TMEM196: variants seen among roughly 807,000 people sequenced by gnomAD.
TMEM196 encodes transmembrane protein 196.
In TMEM196, 17 loss-of-function variants were observed where a neutral mutation model predicts 20.0. The ratio of observed to expected loss-of-function variants is 0.85; its 90% confidence interval spans 0.58 to 1.27. TMEM196 has a LOEUF of 1.27. TMEM196 is among the 50% of genes most tolerant of loss of function. The pLI, the probability that TMEM196 is intolerant of heterozygous loss-of-function variation, is 0.00. For synonymous variants in TMEM196, 113 were observed against 88.9 expected (o/e 1.27, Z -1.52); for missense variants, 267 against 223.0 (o/e 1.20, Z -1.26).
intron 1 of TMEM196, among the ~76,000 whole-genome samples, chr7:19,730,704 G>C (rs1195056495): frequency 6.6e-6 from 1 of 152,156 alleles, no homozygotes; most frequent in Non-Finnish European, 1.5e-5. Flanking sequence ...GATTATCTGA[G>C]ATAATATGCA....
intron 1 of TMEM196, among the ~76,000 whole-genome samples, chr7:19,753,166 C>G (rs148940576): frequency 1.1e-4 from 16 of 152,294 alleles, no homozygotes; most frequent in African/African-American, 2.9e-4. Context: ...AAAATCCCAT[C>G]TTTTTCTCCT....
At chr7:19,752,218 C>A (rs1785015941) in intron 1 of TMEM196, among the ~76,000 whole-genome samples, 1 of 152,174 alleles carries the variant, frequency 6.6e-6, no homozygotes, top group South Asian at 2.1e-4. Flanking sequence ...AGATGCACAG[C>A]AGTTAATGAA....
intron 1 of TMEM196, among the ~76,000 whole-genome samples, chr7:19,763,323 T>G (rs1380329099): frequency 1.3e-5 from 2 of 152,190 alleles, no homozygotes; most frequent in African/African-American, 4.8e-5. Context: ...GATATTATTT[T>G]AATTCCTCAG....
intron 1 of TMEM196, among the ~76,000 whole-genome samples, chr7:19,738,931 A>G (rs1345355202): frequency 6.6e-6 from 1 of 152,148 alleles, no homozygotes; most frequent in Non-Finnish European, 1.5e-5. Flanking sequence ...AAAAAGTACC[A>G]TATGGGAAAG....
At chr7:19,754,765 C>A (rs1232966102) in intron 1 of TMEM196, among the ~76,000 whole-genome samples, 5 of 152,130 alleles carry the variant, frequency 3.3e-5, no homozygotes, top group African/African-American at 1.2e-4. Context: ...TCAATTAATT[C>A]TCTGGGCTTC....
rs1785942764 is a variant in TMEM196 at position 19,772,812 on chromosome 7, C to A, written c.-116G>T. On this transcript the variant is annotated 5_prime_UTR_variant, in exon 1 of 5. Transcript: ENST00000405844. ...CTACCAGATCCCAAAACTTTTCTTT[C>A]TTCAAGAGCGAGGCATTATCCACAA... is the stretch of plus-strand genomic sequence containing the variant. The A allele has an allele frequency of 9.4e-7, 1 of 1,064,876 alleles. No homozygotes were observed. Among genetic ancestry groups the A allele is most frequent in the Non-Finnish European group, 1.2e-6 (1 of 814,476 alleles). The allele number at this position is 1,064,876 out of a possible 1,614,324, so 66.0% of individuals were successfully genotyped here.
At chr7:19,728,801 A>G (rs1266020972) in intron 2 of TMEM196, among the ~76,000 whole-genome samples, 1 of 152,212 alleles carries the variant, frequency 6.6e-6, no homozygotes, top group East Asian at 1.9e-4. Flanking sequence ...TATCAGAGCT[A>G]ACTGGGAGTG....
At chr7:19,731,415 A>G (rs547621532) in intron 1 of TMEM196, among the ~76,000 whole-genome samples, 2 of 152,120 alleles carry the variant, frequency 1.3e-5, no homozygotes, top group Non-Finnish European at 2.9e-5. Flanking sequence ...TACTAATTTC[A>G]TCTCACATTT....
chr7:19,722,314 G>A (rs2128010775), intron 4 of TMEM196, among the ~76,000 whole-genome samples, 180 bp from the exon 5 acceptor site: 1 of 152,190 alleles, frequency 6.6e-6, no homozygotes, highest in Non-Finnish European at 1.5e-5. Flanking sequence ...TGGAGCACAT[G>A]CAAATGCCAA....
intron 1 of TMEM196, among the ~76,000 whole-genome samples, chr7:19,757,110 C>A (rs1785249124): frequency 6.6e-6 from 1 of 151,934 alleles, no homozygotes; most frequent in Non-Finnish European, 1.5e-5. Context: ...TTTTTACCTG[C>A]ATAAGTTTTC....
chr7:19,760,285 G>C (rs1785384173), intron 1 of TMEM196, among the ~76,000 whole-genome samples: 1 of 149,538 alleles, frequency 6.7e-6, no homozygotes, highest in Non-Finnish European at 1.5e-5. Flanking sequence ...CTTCCTCAGA[G>C]ATGCTTTCCT....
Position 19,722,104 on chromosome 7 carries a change from G to A in TMEM196, c.*24C>T. 1.2e-6 allele frequency: 2 copies of A among 1,609,922 alleles called. No homozygotes were observed. The highest frequency in any genetic ancestry group is 1.7e-5 in the Admixed American group (1 of 59,498). ...ACTCTTCCATTAAATATCAGCTGTG[G>A]TCCTCCATTGCTCATGTTGTCTGTT... is the stretch of plus-strand genomic sequence containing the variant. On this transcript the variant is annotated 3_prime_UTR_variant, in exon 5 of 5. Coordinates refer to ENST00000405844, the MANE Select transcript of TMEM196 (RefSeq NM_001363562.2).
chr7:19,729,504 G>A, intron 1 of TMEM196, 66 bp from the exon 2 acceptor site: 1 of 1,423,786 alleles, frequency 7.0e-7, no homozygotes, highest in Non-Finnish European at 9.6e-7. Context: ...ATTTTAGCTT[G>A]TAGTTCACTC....
At chr7:19,755,186 A>T (rs1241530036) in intron 1 of TMEM196, among the ~76,000 whole-genome samples, 2 of 152,246 alleles carry the variant, frequency 1.3e-5, no homozygotes, top group African/African-American at 4.8e-5. Flanking sequence ...CTACTTAGGC[A>T]AAATCTAACA....
chr7:19,742,740 T>C (rs1030326405), intron 1 of TMEM196, among the ~76,000 whole-genome samples: 2 of 152,140 alleles, frequency 1.3e-5, no homozygotes, highest in African/African-American at 4.8e-5. Flanking sequence ...CACAATAATT[T>C]TTCAAATAAT....
At position 19,720,278 on chromosome 7, in the gene TMEM196, C is replaced by T. The variant is rs112684242; in HGVS notation, c.*1850G>A. ...CCAAACAAGCAGAGTCCAGTTATTT[C>T]TGTTGAATAGATGACAGCCAGAATT... On this transcript the variant is annotated 3_prime_UTR_variant, in exon 5 of 5. Coordinates refer to ENST00000405844, the MANE Select transcript of TMEM196 (RefSeq NM_001363562.2). 40 of 152,102 alleles carry T rather than the reference C, an allele frequency of 2.6e-4. 1 individual carries two copies. The highest frequency in any genetic ancestry group is 7.5e-4 in the African/African-American group (31 of 41,556). The allele number at this position is 152,102 out of a possible 1,614,324, so 9.4% of individuals were successfully genotyped here.
chr7:19,752,255 T>G (rs1785017389), intron 1 of TMEM196, among the ~76,000 whole-genome samples: 2 of 152,214 alleles, frequency 1.3e-5, no homozygotes, highest in Admixed American at 1.3e-4. Flanking sequence ...ATTGTCAGCT[T>G]CAGACTCAAA....
chr7:19,724,872 C>A (rs1187248660), intron 3 of TMEM196, among the ~76,000 whole-genome samples: 2 of 152,106 alleles, frequency 1.3e-5, no homozygotes, highest in African/African-American at 4.8e-5. Flanking sequence ...AATAGAAACA[C>A]AGACATCATA....
At chr7:19,764,845 T>A (rs1456533620) in intron 1 of TMEM196, among the ~76,000 whole-genome samples, 2 of 152,118 alleles carry the variant, frequency 1.3e-5, no homozygotes, top group Non-Finnish European at 2.9e-5. Flanking sequence ...AAAGAATGAT[T>A]GGGACTTAGC....
Sources: allele counts gnomAD v4.1 joint callset (sites outside exome capture counted in the v4.1 genomes callset), GRCh38; gene constraint gnomAD v4.1.1; transcripts MANE v1.5; gene names NCBI Gene and HGNC (gene_info 2026-07-23, HGNC 2026-07-21).